Variants in ZFP28 observed in about 807,000 individuals in gnomAD.
The protein encoded by ZFP28 is ZFP28 zinc finger protein.
A neutral mutation model predicts 39.5 loss-of-function variants in ZFP28; 31 were observed. That is an observed-to-expected ratio of 0.79 (90% CI 0.59 to 1.06). The LOEUF (loss-of-function observed/expected upper bound fraction) is 1.06, where lower values mean the gene tolerates loss of function less well. Ranked by LOEUF, ZFP28 falls within the 50% of genes least tolerant of loss-of-function variation. The pLI is 0.00. For missense variants in ZFP28, 925 were observed against 1,048.4 expected, an observed-to-expected ratio of 0.88 and a Z score of 1.63; for synonymous variants, 400 against 378.6, an observed-to-expected ratio of 1.06 and a Z score of -0.66.
rs1395592088 is a variant in ZFP28 at position 56,553,878 on chromosome 19, A to T, written c.1093A>T (p.Asn365Tyr). ...TQFRQEPITH[N>Y]KTLSKERERT... ...ATTCAGGCAAGAGCCAATTACTCAT[A>T]ACAAAACCCTCTCTAAGGAAAGAGA... Residue 365 changes from asparagine to tyrosine, a missense_variant, in exon 8 of 8, where the codon AAC (asparagine) becomes TAC (tyrosine). Physicochemically the swap from Asn to Tyr is moderately radical, Grantham distance 143. Around this residue, in one of 2 missense-constraint regions of ZFP28, gnomAD observed 556 missense variants for 542.9 expected, o/e 1.02. Coordinates refer to ENST00000301318, the MANE Select transcript of ZFP28 (RefSeq NM_020828.2). The T allele has an allele frequency of 1.2e-6, 2 of 1,614,080 alleles. No homozygotes were observed. The highest frequency in any genetic ancestry group is 4.5e-5 in the East Asian group (2 of 44,882).
In ZFP28 at chr19:56,550,511, A is replaced by G; in HGVS notation, c.804A>G (p.Gly268=). ...WENNSDLGSA[G]HCVAKPDLVS... Reference sequence around the variant, plus strand: ...CCTCATCTCTTTTCACTTTTTCAGGACATTGTGTGGCTAAGCCAGATTTAG... The same window carrying G: ...CCTCATCTCTTTTCACTTTTTCAGGGCATTGTGTGGCTAAGCCAGATTTAG... The change falls in exon 7 of 8, where the codon GGA becomes GGG. Residue 268 remains glycine, a splice_region_variant and synonymous_variant. Coordinates refer to ENST00000301318, the MANE Select transcript of ZFP28 (RefSeq NM_020828.2). 1.9e-6 allele frequency: 3 copies of G among 1,613,230 alleles called. No individual in the cohort carries two copies. The highest frequency in any genetic ancestry group is 2.2e-5 in the East Asian group (1 of 44,886).
At chr19:56,550,771 C>T in intron 7 of ZFP28, 166 bp downstream of exon 7, 1 of 1,532,986 alleles carries the variant, frequency 6.5e-7, no homozygotes, top group Non-Finnish European at 8.7e-7. Context: ...TTTCCTCCTC[C>T]TTTGCCCCCT....
intron 2 of ZFP28, among the ~76,000 whole-genome samples, chr19:56,542,663 T>A (rs893332758): frequency 6.6e-6 from 1 of 152,248 alleles, no homozygotes; most frequent in African/African-American, 2.4e-5. Context: ...AATGTTTGAA[T>A]ATAGTCTTAA....
chr19:56,547,251 T>C lies in ZFP28; in HGVS notation c.301-257T>C. 2.2e-6 allele frequency: 1 copy of C among 455,610 alleles called. No homozygotes were observed. The highest frequency in any genetic ancestry group is 3.9e-6 in the Non-Finnish European group (1 of 257,220). The allele number at this position is 455,610 out of a possible 1,614,324, so 28.2% of individuals were successfully genotyped here. A position where few individuals can be genotyped will look rare whatever the true frequency, so the allele number is the denominator to read the frequency against. On this transcript the variant is annotated intron_variant, in intron 2 of 7. Coordinates refer to ENST00000301318, the MANE Select transcript of ZFP28 (RefSeq NM_020828.2). The surrounding 1 kb of genome is among the most constrained non-coding windows in gnomAD (Gnocchi z 4.6). ...CCTCACGTGGTCTTTTCCCTGTGCC[T>C]GCACACCGTGGTATCTCTTCCTGTT...
intron 6 of ZFP28, 56 bp downstream of exon 6, chr19:56,550,237 A>G (rs1231813645): frequency 6.6e-7 from 1 of 1,509,420 alleles, no homozygotes; most frequent in Non-Finnish European, 9.0e-7. Flanking sequence ...CCATTTCCAA[A>G]CTTCAGTTTT....
At chr19:56,552,116 T>C in intron 7 of ZFP28, 2 of 556,208 alleles carry the variant, frequency 3.6e-6, no homozygotes, top group Non-Finnish European at 4.6e-6. Context: ...TTATTTAAAT[T>C]ATTTACTGTT....
At chr19:56,550,892 G>C in intron 7 of ZFP28, 1 of 1,433,560 alleles carries the variant, frequency 7.0e-7, no homozygotes, top group Non-Finnish European at 9.1e-7. Context: ...ATGCACTTTT[G>C]AGCTGACTTC....
chr19:56,555,085 G>A lies in ZFP28; in HGVS notation c.2300G>A (p.Ser767Asn), dbSNP rs145262906. 1 of 1,614,094 alleles carries A rather than the reference G, an allele frequency of 6.2e-7. No homozygotes were observed. The highest frequency in any genetic ancestry group is 8.5e-7 in the Non-Finnish European group (1 of 1,180,042). ...TGCAGTGTGTGTGGCAAAGCCTTTA[G>A]TCATCGTCAATCCCTTAGTGTACAT... ...YECSVCGKAFSHRQSLSVHQR... is the reference protein window; with the variant it reads ...YECSVCGKAFNHRQSLSVHQR... Residue 767 changes from serine to asparagine, a missense_variant, in exon 8 of 8, where the codon AGT becomes AAT. By Grantham distance (46) the Ser-to-Asn change is conservative. Transcript: ENST00000301318.
rs1303720272 is a variant in ZFP28 at position 56,549,032 on chromosome 19, G to C, written c.598G>C (p.Val200Leu). ...CTGCGAAGGAAAGCTATCCCAGGCAGTGATAACAGAGAGACTCACAAGCTA... is the reference window on the plus strand; with the variant it reads ...CTGCGAAGGAAAGCTATCCCAGGCACTGATAACAGAGAGACTCACAAGCTA... ...DFCEGKLSQA[V>L]ITERLTSYNL... Residue 200 changes from valine to leucine, a missense_variant, in exon 5 of 8, where the codon GTG (valine) becomes CTG (leucine). Val to Leu is a conservative substitution (Grantham distance 32, BLOSUM62 1). Coordinates refer to ENST00000301318, the MANE Select transcript of ZFP28 (RefSeq NM_020828.2). The C allele has an allele frequency of 6.2e-7, 1 of 1,614,140 alleles. No individual in the cohort carries two copies. Among genetic ancestry groups the C allele is most frequent in the Non-Finnish European group, 8.5e-7 (1 of 1,180,018 alleles).
chr19:56,553,976 A>T lies in ZFP28; in HGVS notation c.1191A>T (p.Ser397=), dbSNP rs145231131. ...AAGAGAAAGTTCATAATCGTGATTC[A>T]ATTAAAAATTTTCAAAAAAGTTCAG... ...DSEEKVHNRD[S]IKNFQKSSVV... is the part of the protein sequence containing the mutation. Residue 397 remains serine, a synonymous_variant, in exon 8 of 8, where the codon TCA becomes TCT. Transcript: ENST00000301318. The T allele has an allele frequency of 1.3e-3, 2,060 of 1,611,348 alleles. 6 individuals are homozygous for T. The highest frequency in any genetic ancestry group is 2.2e-3 in the Admixed American group (129 of 59,306).
chr19:56,554,357 G>A lies in ZFP28; in HGVS notation c.1572G>A (p.Arg524=). 6.2e-7 allele frequency: 1 copy of A among 1,614,154 alleles called. No individual in the cohort carries two copies. Among genetic ancestry groups the A allele is most frequent in the African/African-American group, 1.3e-5 (1 of 75,038 alleles). ...FSDHIGLNQH[R]RIHTGEKPYK... Reference sequence around the variant, plus strand: ...ACCACATAGGGCTTAATCAACACAGGAGAATTCATACTGGAGAGAAACCTT... The same window carrying A: ...ACCACATAGGGCTTAATCAACACAGAAGAATTCATACTGGAGAGAAACCTT... The change falls in exon 8 of 8, where the codon AGG becomes AGA. Residue 524 remains arginine, a synonymous_variant. Coordinates refer to ENST00000301318, the MANE Select transcript of ZFP28 (RefSeq NM_020828.2). The surrounding 1 kb of genome is among the most constrained non-coding windows in gnomAD (Gnocchi z 6.7).
upstream of ZFP28, among the ~76,000 whole-genome samples, chr19:56,537,449 T>A (rs953942864): frequency 1.3e-5 from 2 of 152,144 alleles, no homozygotes; most frequent in South Asian, 4.2e-4. Flanking sequence ...CACTACTCCT[T>A]ACAAGGAGAC....
In ZFP28 at chr19:56,555,460, T is replaced by C. The variant is rs1011194462; in HGVS notation, c.*68T>C. 1.3e-6 allele frequency: 2 copies of C among 1,490,630 alleles called. No individual in the cohort carries two copies. The highest frequency in any genetic ancestry group is 1.8e-6 in the Non-Finnish European group (2 of 1,127,406). The allele number at this position is 1,490,630 out of a possible 1,614,324, so 92.3% of individuals were successfully genotyped here. On this transcript the variant is annotated 3_prime_UTR_variant, in exon 8 of 8. Transcript: ENST00000301318. ...ACCCCATCTCCCTGCCCTTTTGTTT[T>C]CTTTTTGTCCCTTATTAGTTAGTTC...
chr19:56,550,058 C>G lies in ZFP28; in HGVS notation c.688-9C>G. 10 of 1,604,382 alleles carry G rather than the reference C, an allele frequency of 6.2e-6. No homozygotes were observed. The highest frequency in any genetic ancestry group is 8.5e-6 in the Non-Finnish European group (10 of 1,175,090). On this transcript the variant is annotated splice_polypyrimidine_tract_variant and intron_variant, in intron 5 of 7. Transcript: ENST00000301318. ...GTTTGATTTAAAAAACGTGCTTTTA[C>G]CATTGCAGGGCTTGGTGACTATCAA... is the stretch of plus-strand genomic sequence containing the variant.
chr19:56,539,048 C>T lies in ZFP28; in HGVS notation c.30C>T (p.Arg10=), dbSNP rs763343777. The T allele has an allele frequency of 1.3e-6, 2 of 1,488,792 alleles. No individual in the cohort carries two copies. Among genetic ancestry groups the T allele is most frequent in the South Asian group, 2.5e-5 (2 of 79,916 alleles). The allele number at this position is 1,488,792 out of a possible 1,614,324, so 92.2% of individuals were successfully genotyped here. Residue 10 remains arginine, a synonymous_variant, in exon 1 of 8, where the codon CGC becomes CGT. Coordinates refer to ENST00000301318, the MANE Select transcript of ZFP28 (RefSeq NM_020828.2). MRGAASASV[R]EPTPLPGRGA... ...GGGGGGCGGCGAGCGCGAGTGTCCG[C>T]GAGCCGACGCCGCTCCCGGGTAGAG...
chr19:56,549,776 T>G (rs924825640), intron 5 of ZFP28, among the ~76,000 whole-genome samples: 4 of 152,134 alleles, frequency 2.6e-5, no homozygotes, highest in African/African-American at 9.7e-5. Context: ...TTTGTATGAA[T>G]ATGGGAAAGC....
chr19:56,553,943 C>T lies in ZFP28; in HGVS notation c.1158C>T (p.Asp386=), dbSNP rs149789168. Residue 386 remains aspartate (D), a synonymous_variant, in exon 8 of 8, where the codon GAC becomes GAT. Transcript: ENST00000301318. ...YNKSGRWFYL[D]DSEEKVHNRD... ...AATCTGGAAGATGGTTCTATTTGGA[C>T]GATTCAGAAGAGAAAGTTCATAATC... is the stretch of plus-strand genomic sequence containing the variant. 3.5e-4 allele frequency: 559 copies of T among 1,613,704 alleles called. No homozygotes were observed. Among genetic ancestry groups the T allele is most frequent in the Non-Finnish European group, 4.3e-4 (504 of 1,179,930 alleles).
Position 56,554,471 on chromosome 19 carries a change from A to T in ZFP28, c.1686A>T (p.Glu562Asp). The change falls in exon 8 of 8, where the codon GAA becomes GAT. Residue 562 changes from glutamate (E) to aspartate (D), a missense_variant. Transcript: ENST00000301318. The surrounding 1 kb of genome is among the most constrained non-coding windows in gnomAD (Gnocchi z 6.7). ...TTCATACCGGAGAAAAACCATATGA[A>T]TGTGATGTTTGCAGAAAAGCCTTCA... The part of the protein sequence containing the change: ...QRIHTGEKPY[E>D]CDVCRKAFSH... 6.2e-7 allele frequency: 1 copy of T among 1,614,210 alleles called. No homozygotes were observed. Among genetic ancestry groups the T allele is most frequent in the Non-Finnish European group, 8.5e-7 (1 of 1,180,038 alleles).
intron 5 of ZFP28, 40 bp downstream of exon 5, chr19:56,549,161 T>C: frequency 6.4e-7 from 1 of 1,573,150 alleles, no homozygotes; most frequent in Non-Finnish European, 8.6e-7. Context: ...GGAAGGATCC[T>C]TCATGAGGAA....
Sources: gnomAD v4.1 joint callset for allele counts (sites outside exome capture counted in the v4.1 genomes callset) on GRCh38, gnomAD v4.1.1 for gene constraint, gnomAD v4.1.1 regional missense constraint, Gnocchi (gnomAD v3.1) non-coding constraint, MANE v1.5 for transcripts, NCBI Gene and HGNC (gene_info 2026-07-23, HGNC 2026-07-21) for gene names.